The following EXOC6B variants were observed in gnomAD, a reference collection of about 807,000 sequenced individuals.
EXOC6B encodes the protein SEC15 homolog B.
In EXOC6B, 54 loss-of-function variants were observed where a neutral mutation model predicts 113.5. The ratio of observed to expected loss-of-function variants is 0.48; its 90% CI spans 0.38 to 0.60. The LOEUF is 0.60. Among genes scored for constraint, EXOC6B ranks in the 20% least tolerant of loss-of-function variants. The pLI is 0.00. For synonymous variants in EXOC6B, 357 were observed against 339.0 expected, an observed-to-expected ratio of 1.05 and a Z score of -0.58; for missense variants, 797 against 977.5, an observed-to-expected ratio of 0.82 and a Z score of 2.46.
intron 6 of EXOC6B, among the ~76,000 whole-genome samples, chr2:72,641,803 T>A (rs1047274365): frequency 6.6e-6 from 1 of 152,148 alleles, no homozygotes; most frequent in Non-Finnish European, 1.5e-5. Context: ...GGGAGACACC[T>A]CCCAGTAGCG....
intron 1 of EXOC6B, among the ~76,000 whole-genome samples, chr2:72,754,708 G>T (rs1352324729): frequency 6.6e-6 from 1 of 150,596 alleles, no homozygotes; most frequent in East Asian, 2.0e-4. Context: ...CTAGCTTCTG[G>T]GCTTAAGGGA....
At chr2:72,523,476 A>G (rs1701592805) in intron 8 of EXOC6B, among the ~76,000 whole-genome samples, 1 of 152,036 alleles carries the variant, frequency 6.6e-6, no homozygotes, top group Non-Finnish European at 1.5e-5. Flanking sequence ...CAGACCTTAT[A>G]TTCTCTTCAT....
At chr2:72,613,446 CTG>C (rs2104108517) in intron 6 of EXOC6B, among the ~76,000 whole-genome samples, 2 of 151,826 alleles carry the variant, frequency 1.3e-5, no homozygotes, top group Admixed American at 1.3e-4. Flanking sequence ...AATATGGAGA[CTG>C]TGAAAATGCA....
intron 8 of EXOC6B, among the ~76,000 whole-genome samples, chr2:72,536,257 TA>T (rs1702282381): frequency 6.6e-6 from 1 of 152,326 alleles, no homozygotes; most frequent in Admixed American, 6.5e-5. Flanking sequence ...TTATTTCTAT[TA>T]AAATATGCTT....
chr2:72,459,821 C>A (rs1256201449), intron 18 of EXOC6B, among the ~76,000 whole-genome samples: 2 of 152,128 alleles, frequency 1.3e-5, no homozygotes, highest in African/African-American at 4.8e-5. Flanking sequence ...CATCAAGCTA[C>A]CAATGACTTT....
At chr2:72,482,388 T>C (rs965667856) in intron 16 of EXOC6B, among the ~76,000 whole-genome samples, 12 of 152,110 alleles carry the variant, frequency 7.9e-5, no homozygotes, top group African/African-American at 2.7e-4. Flanking sequence ...CTTTCCATTT[T>C]CACAAAAATA....
chr2:72,360,047 G>C (rs1690209451), intron 19 of EXOC6B, among the ~76,000 whole-genome samples: 1 of 152,048 alleles, frequency 6.6e-6, no homozygotes, highest in African/African-American at 2.4e-5. Context: ...GCAGAACCAT[G>C]AGCCAAATAA....
rs1457644067 is a variant in EXOC6B at position 72,401,522 on chromosome 2, T to C, written c.1981-21652A>G. Among the ~76,000 whole-genome samples, 9 of 14,642 alleles carry C rather than the reference T, an allele frequency of 6.1e-4. 1 individual carries two copies. Among genetic ancestry groups the C allele is most frequent in the African/African-American group, 4.9e-3 (7 of 1,440 alleles). 9.6% of individuals were successfully genotyped at this position (14,642 alleles called of 152,430 possible). ...ATATATATATATATATATACATATA[T>C]ACATATATATATATATATATATGTG... On this transcript the variant is annotated intron_variant, in intron 18 of 21. Transcript: ENST00000272427.
chr2:72,702,098 A>G (rs1290092562), intron 6 of EXOC6B, among the ~76,000 whole-genome samples: 1 of 138,738 alleles, frequency 7.2e-6, no homozygotes, highest in African/African-American at 2.7e-5. Context: ...CAGTCCCCAG[A>G]GTGTGATATT....
chr2:72,657,131 G>A (rs1180894344), intron 6 of EXOC6B, among the ~76,000 whole-genome samples: 1 of 151,112 alleles, frequency 6.6e-6, no homozygotes, highest in Admixed American at 6.6e-5. Context: ...GATTACAGGT[G>A]TGAGCCACCG....
intron 1 of EXOC6B, among the ~76,000 whole-genome samples, chr2:72,792,429 T>C (rs1684725525): frequency 6.6e-6 from 1 of 152,214 alleles, no homozygotes; most frequent in African/African-American, 2.4e-5. Context: ...TGACACAAAG[T>C]ATCAGTAGCA....
At chr2:72,187,616 G>C (rs1678523717) in intron 20 of EXOC6B, among the ~76,000 whole-genome samples, 1 of 152,016 alleles carries the variant, frequency 6.6e-6, no homozygotes, top group Admixed American at 6.5e-5. Context: ...CAGAGAGAGT[G>C]GCTCCTCTCT....
chr2:72,542,496 G>C (rs1702660353), intron 8 of EXOC6B, among the ~76,000 whole-genome samples: 1 of 152,136 alleles, frequency 6.6e-6, no homozygotes, highest in African/African-American at 2.4e-5. Context: ...ATCTATTACA[G>C]TTCCAAACTC....
intron 20 of EXOC6B, among the ~76,000 whole-genome samples, chr2:72,189,822 TTCTC>T (rs139115191): frequency 0.12 from 16,627 of 138,966 alleles, 1,305 homozygotes; most frequent in Non-Finnish European, 0.18. Flanking sequence ...CTTTCCTTCA[TTCTC>T]TCTGTCTCTC....
At chr2:72,294,060 G>A (rs1685971847) in intron 20 of EXOC6B, among the ~76,000 whole-genome samples, 1 of 151,324 alleles carries the variant, frequency 6.6e-6, no homozygotes, top group Non-Finnish European at 1.5e-5. Context: ...TCATGATAAG[G>A]GAGACAGTGG....
chr2:72,654,720 C>T (rs868736496), intron 6 of EXOC6B, among the ~76,000 whole-genome samples: 9 of 152,094 alleles, frequency 5.9e-5, no homozygotes, highest in African/African-American at 2.2e-4. Context: ...AAATACAGTG[C>T]CCAACAGCTA....
rs538843409 is a variant in EXOC6B at position 72,183,042 on chromosome 2, T to G, written c.2309+1033A>C. The G allele has an allele frequency of 5.5e-5, 24 of 439,854 alleles. No homozygotes were observed. The East Asian group carries it at 7.8e-4, about 14-fold the overall frequency. The allele number at this position is 439,854 out of a possible 1,614,324, so 27.2% of individuals were successfully genotyped here. A position where few individuals can be genotyped will look rare whatever the true frequency, so the allele number is the denominator to read the frequency against. ...GCTCCAAATACATACACCTGCATCATGCTCTTGCCTACCCTTCATCTCTTC... is the reference window on the plus strand; with the variant it reads ...GCTCCAAATACATACACCTGCATCAGGCTCTTGCCTACCCTTCATCTCTTC... On this transcript the variant is annotated intron_variant, in intron 21 of 21. Coordinates refer to ENST00000272427, the MANE Select transcript of EXOC6B (RefSeq NM_015189.3).
Position 72,177,832 on chromosome 2 carries a change from G to A in EXOC6B, c.*1503C>T, listed in dbSNP as rs1321951982. On this transcript the variant is annotated 3_prime_UTR_variant, in exon 22 of 22. Transcript: ENST00000272427. Reference sequence around the variant, plus strand: ...ATCAATCCAAGCTGGAAATGCCTGTGTGGCTTATTTGTCATTGTTTGGTGA... The same window carrying A: ...ATCAATCCAAGCTGGAAATGCCTGTATGGCTTATTTGTCATTGTTTGGTGA... The A allele has an allele frequency of 3.9e-5, 6 of 152,206 alleles. No homozygotes were observed. The highest frequency in any genetic ancestry group is 1.5e-5 in the Non-Finnish European group (1 of 68,048). 9.4% of individuals were successfully genotyped at this position (152,206 alleles called of 1,614,324 possible).
intron 6 of EXOC6B, among the ~76,000 whole-genome samples, chr2:72,681,761 T>C (rs1676718845): frequency 6.6e-6 from 1 of 152,000 alleles, no homozygotes; most frequent in Non-Finnish European, 1.5e-5. Context: ...AAAAAGTAGA[T>C]GGCAGTATAG....
Sources: allele counts gnomAD v4.1 joint callset (sites outside exome capture counted in the v4.1 genomes callset), GRCh38; gene constraint gnomAD v4.1.1; transcripts MANE v1.5; gene names NCBI Gene and HGNC (gene_info 2026-07-23, HGNC 2026-07-21).